Variants in NKD1 observed in about 807,000 individuals in gnomAD.
NKD1 encodes the protein NKD inhibitor of Wnt signaling pathway 1.
A neutral mutation model predicts 56.0 loss-of-function variants in NKD1; 21 were observed. The ratio of observed to expected loss-of-function variants is 0.38; its 90% confidence interval spans 0.27 to 0.54. The LOEUF (loss-of-function observed/expected upper bound fraction) is 0.54, where lower values mean the gene tolerates loss of function less well. NKD1 is among the 20% of genes least tolerant of loss of function. NKD1 has a pLI of 0.82. For missense variants in NKD1, 578 were observed against 642.7 expected (o/e 0.90, Z 1.09); for synonymous variants, 263 against 265.7 (o/e 0.99, Z 0.10).
At position 50,647,135 on chromosome 16, in the gene NKD1, G is replaced by A. The variant is rs1225483755; in HGVS notation, c.*13354G>A. 3 of 152,208 alleles carry A rather than the reference G, an allele frequency of 2.0e-5. No individual in the cohort carries two copies. Among genetic ancestry groups the A allele is most frequent in the Admixed American group, 6.5e-5 (1 of 15,286 alleles). 9.4% of individuals were successfully genotyped at this position (152,208 alleles called of 1,614,324 possible). A position where few individuals can be genotyped will look rare whatever the true frequency, so the allele number is the denominator to read the frequency against. The stretch of plus-strand genomic sequence containing the variant: ...AGAGTCATACTAGAAGACATGATGG[G>A]ATGGTGGTGTGGTCTCTGTAGTTGA... On this transcript the variant is annotated 3_prime_UTR_variant, in exon 10 of 10. Transcript: ENST00000268459.
chr16:50,600,835 C>T (rs1287368092), intron 3 of NKD1, among the ~76,000 whole-genome samples: 1 of 152,176 alleles, frequency 6.6e-6, no homozygotes, highest in Non-Finnish European at 1.5e-5. Flanking sequence ...TCCTTCCTGC[C>T]AGCCCTGCCG....
chr16:50,608,479 T>G, intron 4 of NKD1, 119 bp downstream of exon 4: 2 of 717,226 alleles, frequency 2.8e-6, no homozygotes, highest in Admixed American at 1.8e-5. Context: ...ACAGGGACCT[T>G]GTGACTCTGG....
intron 3 of NKD1, chr16:50,573,719 A>G: frequency 1.4e-6 from 1 of 728,332 alleles, no homozygotes; most frequent in Non-Finnish European, 1.7e-6. Flanking sequence ...AGCTGCTCCT[A>G]AAAGTGTCTC....
intron 3 of NKD1, among the ~76,000 whole-genome samples, chr16:50,604,969 A>C (rs763797702): frequency 6.6e-6 from 1 of 151,602 alleles, no homozygotes; most frequent in Non-Finnish European, 1.5e-5. Flanking sequence ...TTTTTCTTGC[A>C]CTCCTTTAGG....
intron 6 of NKD1, among the ~76,000 whole-genome samples, chr16:50,629,705 A>G (rs879328277): frequency 2.0e-5 from 3 of 152,148 alleles, no homozygotes; most frequent in Non-Finnish European, 2.9e-5. Context: ...TCAAGTCTGC[A>G]GTGAGCCATG....
chr16:50,549,350 T>C (rs1395698531), intron 2 of NKD1, 72 bp from the exon 3 acceptor site: 5 of 1,563,900 alleles, frequency 3.2e-6, no homozygotes, highest in Admixed American at 1.8e-5. Flanking sequence ...CCGCGCCTCC[T>C]TCTTCCCTCC....
In NKD1 at chr16:50,633,489, C is replaced by A. The variant is rs1344380684; in HGVS notation, c.1121C>A (p.Ala374Asp). Residue 374 changes from alanine to aspartate, a missense_variant, in exon 10 of 10, where the codon GCC becomes GAC. Transcript: ENST00000268459. This position sits in a 1 kb window ranked among gnomAD's most constrained non-coding sequence, Gnocchi z 4.9. ...GARNKPPLGPAIPAVSPSAHL... is the reference protein window; with the variant it reads ...GARNKPPLGPDIPAVSPSAHL... ...AGAAACAAGCCCCCTCTGGGACCCG[C>A]CATCCCTGCGGTGTCCCCCTCCGCC... The A allele has an allele frequency of 1.2e-6, 2 of 1,609,846 alleles. No homozygotes were observed. The highest frequency in any genetic ancestry group is 2.2e-5 in the South Asian group (2 of 90,508).
Position 50,573,388 on chromosome 16 carries a change from C to A in NKD1, c.192+23833C>A, listed in dbSNP as rs1473282596. The stretch of plus-strand genomic sequence containing the variant: ...AGGTGGACATTCCCTGTTCCTTCTC[C>A]CCCCATCAGGTTAAAGCGAGGCCCT... On this transcript the variant is annotated intron_variant, in intron 3 of 9. Coordinates refer to ENST00000268459, the MANE Select transcript of NKD1 (RefSeq NM_033119.5). Among the ~76,000 whole-genome samples, 3 of 152,320 alleles carry A rather than the reference C, an allele frequency of 2.0e-5. No homozygotes were observed. In the East Asian group the frequency reaches 5.8e-4, roughly 29 times the overall value.
chr16:50,626,097 A>T (rs915492138), intron 6 of NKD1, among the ~76,000 whole-genome samples: 4 of 152,248 alleles, frequency 2.6e-5, no homozygotes, highest in African/African-American at 9.6e-5. Context: ...GTGGCTCTGC[A>T]GTCACAGCTC....
chr16:50,553,291 T>G (rs1214879108), intron 3 of NKD1, among the ~76,000 whole-genome samples: 1 of 152,212 alleles, frequency 6.6e-6, no homozygotes, highest in African/African-American at 2.4e-5. Context: ...ATTGTGAATA[T>G]GTACAACCAG....
intron 3 of NKD1, chr16:50,552,542 AG>A (rs1046387216): frequency 1.6e-4 from 25 of 152,362 alleles, no homozygotes; most frequent in African/African-American, 5.8e-4. Context: ...GAGATGTGAA[AG>A]GGTGACCATG....
chr16:50,552,986 C>T (rs562473530), intron 3 of NKD1, among the ~76,000 whole-genome samples: 5 of 152,140 alleles, frequency 3.3e-5, no homozygotes, highest in South Asian at 2.1e-4. Context: ...GGGAGGCGCA[C>T]GAGTACTGTG....
rs1334778567 is a variant in NKD1 at position 50,615,497 on chromosome 16, C to A, written c.260-6105C>A. ...CTGCTCAGAGGAAGGGAGGCTTAAA[C>A]TGAAGACCTGAAGGATGAGTGGGAA... On this transcript the variant is annotated intron_variant, in intron 4 of 9. Transcript: ENST00000268459. Among the ~76,000 whole-genome samples the A allele has an allele frequency of 3.3e-5, 5 of 152,148 alleles. No homozygotes were observed. The East Asian group carries it at 9.6e-4, about 29-fold the overall frequency.
chr16:50,599,957 G>A (rs1961558127), intron 3 of NKD1, among the ~76,000 whole-genome samples: 1 of 152,034 alleles, frequency 6.6e-6, no homozygotes, highest in Non-Finnish European at 1.5e-5. Context: ...AAATCACACT[G>A]AAGCCATGAG....
chr16:50,578,270 G>A (rs746381381), intron 3 of NKD1, among the ~76,000 whole-genome samples: 7 of 152,156 alleles, frequency 4.6e-5, no homozygotes, highest in Admixed American at 3.3e-4. Flanking sequence ...GCTCATGTTC[G>A]ATTAGTGAGA....
intron 3 of NKD1, among the ~76,000 whole-genome samples, chr16:50,559,009 CT>C (rs1475417175): frequency 1.3e-5 from 2 of 152,218 alleles, no homozygotes. Flanking sequence ...CAGAGGTGTG[CT>C]TAGAACTTGC....
At chr16:50,561,852 C>A (rs150276285) in intron 3 of NKD1, among the ~76,000 whole-genome samples, 4 of 152,190 alleles carry the variant, frequency 2.6e-5, no homozygotes, top group Non-Finnish European at 5.9e-5. Context: ...CACAGTCTAC[C>A]GGAGAGTAGG....
chr16:50,555,355 A>C (rs1472027489), intron 3 of NKD1: 1 of 152,464 alleles, frequency 6.6e-6, no homozygotes, highest in Non-Finnish European at 1.5e-5. Context: ...GGCACATCTG[A>C]GTTACCTGTC....
At chr16:50,583,816 A>T (rs1298921711) in intron 3 of NKD1, among the ~76,000 whole-genome samples, 2 of 152,046 alleles carry the variant, frequency 1.3e-5, no homozygotes. Flanking sequence ...TAGAGTTGTG[A>T]CTCCTGATGT....
Sources: gnomAD v4.1 joint callset for allele counts (sites outside exome capture counted in the v4.1 genomes callset) on GRCh38, gnomAD v4.1.1 for gene constraint, Gnocchi (gnomAD v3.1) non-coding constraint, MANE v1.5 for transcripts, NCBI Gene and HGNC (gene_info 2026-07-23, HGNC 2026-07-21) for gene names.